SNX30: variants seen among roughly 807,000 people sequenced by gnomAD.
SNX30 encodes sorting nexin-30.
A neutral mutation model predicts 46.4 loss-of-function variants in SNX30; 24 were observed. The ratio of observed to expected loss-of-function variants is 0.52; its 90% CI spans 0.37 to 0.73. The LOEUF (loss-of-function observed/expected upper bound fraction) is 0.73, where lower values mean the gene tolerates loss of function less well. Among genes scored for constraint, SNX30 ranks in the 30% least tolerant of loss-of-function variants. The pLI, the probability that SNX30 is intolerant of heterozygous loss-of-function variation, is 0.00. For missense variants in SNX30, 533 were observed against 555.7 expected (o/e 0.96, Z 0.41); for synonymous variants, 189 against 211.5 (o/e 0.89, Z 0.92).
At chr9:112,807,223 G>A (rs1840242874) in intron 2 of SNX30, among the ~76,000 whole-genome samples, 1 of 151,694 alleles carries the variant, frequency 6.6e-6, no homozygotes, top group Non-Finnish European at 1.5e-5. Flanking sequence ...ATGCCACCAT[G>A]CCCGGCTACT....
chr9:112,855,412 C>T (rs753518273), intron 7 of SNX30, among the ~76,000 whole-genome samples: 3 of 152,082 alleles, frequency 2.0e-5, no homozygotes, highest in South Asian at 2.1e-4. Context: ...GGGCTTACCT[C>T]GTTATCAGGT....
chr9:112,771,962 T>G (rs1224216961), intron 1 of SNX30, among the ~76,000 whole-genome samples: 1 of 152,190 alleles, frequency 6.6e-6, no homozygotes, highest in East Asian at 1.9e-4. Flanking sequence ...GAGACATTCT[T>G]TTTTTTCCTG....
At chr9:112,804,666 G>A in intron 1 of SNX30, 110 bp from the exon 2 acceptor site, 1 of 955,508 alleles carries the variant, frequency 1.0e-6, no homozygotes, top group Non-Finnish European at 1.5e-6. Flanking sequence ...TGTTTCGAAA[G>A]TTATTTTTGG....
At position 112,861,678 on chromosome 9, in the gene SNX30, G is replaced by C. The variant is rs535457165; in HGVS notation, c.1102-2569G>C. 3.9e-5 allele frequency among the ~76,000 whole-genome samples: 6 copies of C among 152,354 alleles called. No individual in the cohort carries two copies. The South Asian group carries it at 1.2e-3, about 32-fold the overall frequency. On this transcript the variant is annotated intron_variant, in intron 7 of 8. Transcript: ENST00000374232. ...CCCTCTGCCAGTCTTGCGAGCTGCA[G>C]TTCCCTCTCCGTGCCGCTGTGGGCC...
Position 112,817,401 on chromosome 9 carries a change from CTTTTTTTTTTTTTT to C in SNX30, c.349-287_349-274del, listed in dbSNP as rs56856142. On this transcript the variant is annotated intron_variant, in intron 2 of 8. Transcript: ENST00000374232. ...CGGTAGGGAAAAAAAAAAAAACTGGCTTTTTTTTTTTTTTTTTTTTTTTTTTTTTTGAGACGGAG... is the reference window on the plus strand; with the variant it reads ...CGGTAGGGAAAAAAAAAAAAACTGGCTTTTTTTTTTTTTTTTGAGACGGAG... Among the ~76,000 whole-genome samples the C allele has an allele frequency of 6.6e-4, 31 of 46,836 alleles. No homozygotes were observed. In the East Asian group the frequency reaches 0.028, roughly 43 times the overall value. The allele number at this position is 46,836 out of a possible 152,430, so 30.7% of individuals were successfully genotyped here. A position where few individuals can be genotyped will look rare whatever the true frequency, so the allele number is the denominator to read the frequency against.
In SNX30 at chr9:112,751,047, T is replaced by A; in HGVS notation, c.46T>A (p.Ser16Thr). 6.7e-7 allele frequency: 1 copy of A among 1,486,388 alleles called. No homozygotes were observed. Among genetic ancestry groups the A allele is most frequent in the Non-Finnish European group, 8.9e-7 (1 of 1,124,002 alleles). 92.1% of individuals were successfully genotyped at this position (1,486,388 alleles called of 1,614,324 possible). A position where few individuals can be genotyped will look rare whatever the true frequency, so the allele number is the denominator to read the frequency against. ...GGCCCTGCCGTCCACGGGGCCCCAC[T>A]CCCTGCGCGACATGCCGCACCCGCT... ...PKALPSTGPH[S>T]LRDMPHPLAG... Residue 16 changes from serine (S) to threonine (T), a missense_variant, in exon 1 of 9, where the codon TCC becomes ACC. This residue lies in a region of SNX30 where 191 missense variants were observed against 160.3 expected (regional missense o/e 1.19). Transcript: ENST00000374232.
intron 4 of SNX30, among the ~76,000 whole-genome samples, chr9:112,831,493 G>A (rs1352902249): frequency 3.3e-5 from 5 of 152,190 alleles, no homozygotes; most frequent in African/African-American, 7.2e-5. Flanking sequence ...TTTGGTGAGG[G>A]TTTTCTTCTT....
downstream of SNX30, among the ~76,000 whole-genome samples, chr9:112,884,698 C>T (rs917022406): frequency 2.0e-5 from 3 of 152,214 alleles, no homozygotes; most frequent in African/African-American, 7.2e-5. Flanking sequence ...AACAGTGTGC[C>T]TAAGTGCCTT....
At chr9:112,808,295 C>T (rs1375165551) in intron 2 of SNX30, among the ~76,000 whole-genome samples, 3 of 152,232 alleles carry the variant, frequency 2.0e-5, no homozygotes, top group Admixed American at 6.5e-5. Flanking sequence ...TGCTCTAGTC[C>T]TAATTCAGAT....
At chr9:112,837,249 T>G (rs1004640522) in intron 5 of SNX30, among the ~76,000 whole-genome samples, 6 of 152,058 alleles carry the variant, frequency 3.9e-5, no homozygotes, top group African/African-American at 1.4e-4. Flanking sequence ...TCCCTCTACT[T>G]GACCCACTGA....
At chr9:112,882,215 TC>T (rs1841588625), downstream of SNX30, among the ~76,000 whole-genome samples, 1 of 152,152 alleles carries the variant, frequency 6.6e-6, no homozygotes, top group South Asian at 2.1e-4. Context: ...CAAGCAATCC[TC>T]GCACATCAGC....
At chr9:112,819,792 C>T (rs902203060) in intron 3 of SNX30, among the ~76,000 whole-genome samples, 1 of 152,160 alleles carries the variant, frequency 6.6e-6, no homozygotes, top group African/African-American at 2.4e-5. Flanking sequence ...GGGGAGGAAA[C>T]CACAGAGGCA....
chr9:112,855,590 G>A (rs944373826), intron 7 of SNX30, among the ~76,000 whole-genome samples: 3 of 152,090 alleles, frequency 2.0e-5, no homozygotes, highest in African/African-American at 7.2e-5. Context: ...TCTTAGGGGA[G>A]TCCTAGGACG....
exon 5 of SNX30, chr9:112,880,183 T>G: frequency 6.2e-6 from 1 of 161,678 alleles, no homozygotes; most frequent in Non-Finnish European, 1.4e-5. Context: ...ATACAAAAAT[T>G]AGCTGGGCAT....
intron 7 of SNX30, among the ~76,000 whole-genome samples, chr9:112,862,380 T>G (rs1841252496): frequency 6.6e-6 from 1 of 152,160 alleles, no homozygotes; most frequent in Non-Finnish European, 1.5e-5. Flanking sequence ...GTGTGAGCAG[T>G]GGCCAGGAGA....
chr9:112,824,879 C>CA (rs1564281949), intron 3 of SNX30, among the ~76,000 whole-genome samples: 7 of 152,118 alleles, frequency 4.6e-5, no homozygotes, highest in Non-Finnish European at 1.0e-4. Context: ...AGTACATTCA[C>CA]GGTGTTGTAC....
At chr9:112,777,941 G>C (rs1839776765) in intron 1 of SNX30, among the ~76,000 whole-genome samples, 1 of 152,100 alleles carries the variant, frequency 6.6e-6, no homozygotes, top group African/African-American at 2.4e-5. Context: ...AATGTACTGT[G>C]ATCTTTTAGG....
chr9:112,751,104 G>A lies in SNX30; in HGVS notation c.103G>A (p.Gly35Ser). 5 of 1,521,270 alleles carry A rather than the reference G, an allele frequency of 3.3e-6. No homozygotes were observed. Among genetic ancestry groups the A allele is most frequent in the Non-Finnish European group, 4.4e-6 (5 of 1,142,904 alleles). The allele number at this position is 1,521,270 out of a possible 1,614,324, so 94.2% of individuals were successfully genotyped here. Reference protein sequence around the residue: ...AGSSSEEAVGGDSTPSPDLLM... With the variant: ...AGSSSEEAVGSDSTPSPDLLM... ...CTCCAGCAGCGAGGAGGCCGTGGGT[G>A]GTGACAGCACGCCCAGCCCGGACCT... The change falls in exon 1 of 9, where the codon GGT (glycine) becomes AGT (serine). Residue 35 changes from glycine to serine, a missense_variant. Gly to Ser is a moderately conservative substitution (Grantham distance 56). This residue lies in a region of SNX30 where 191 missense variants were observed against 160.3 expected (regional missense o/e 1.19). Transcript: ENST00000374232.
At chr9:112,782,845 G>C (rs946009695) in intron 1 of SNX30, among the ~76,000 whole-genome samples, 1 of 152,234 alleles carries the variant, frequency 6.6e-6, no homozygotes, top group African/African-American at 2.4e-5. Context: ...GCACAATGCT[G>C]TCTGACCACT....
Sources: gnomAD v4.1 joint callset for allele counts (sites outside exome capture counted in the v4.1 genomes callset) on GRCh38, gnomAD v4.1.1 for gene constraint, gnomAD v4.1.1 regional missense constraint, MANE v1.5 for transcripts, NCBI Gene and HGNC (gene_info 2026-07-23, HGNC 2026-07-21) for gene names.